CNTNAP5: variants seen among roughly 807,000 people sequenced by gnomAD.
The protein encoded by CNTNAP5 is contactin-associated protein-like 5.
CNTNAP5 carries 72 observed loss-of-function variants against 150.2 expected under a neutral mutation model. The ratio of observed to expected loss-of-function variants is 0.48; its 90% confidence interval spans 0.40 to 0.58. The LOEUF (loss-of-function observed/expected upper bound fraction) is 0.58, where lower values mean the gene tolerates loss of function less well. Ranked by LOEUF, CNTNAP5 falls within the 20% of genes least tolerant of loss-of-function variation. The probability of loss-of-function intolerance (pLI) is 0.00; values close to 1 mark genes in which losing one functional copy is unlikely to be tolerated. For missense variants in CNTNAP5, 1,636 were observed against 1,626.2 expected (o/e 1.01, Z -0.10); for synonymous variants, 672 against 619.8 (o/e 1.08, Z -1.25).
At chr2:124,295,305 G>T (rs1478238299) in intron 3 of CNTNAP5, among the ~76,000 whole-genome samples, 1 of 77,718 alleles carries the variant, frequency 1.3e-5, no homozygotes, top group African/African-American at 5.1e-5. Flanking sequence ...AGAGGTGGGA[G>T]AGTCGTTTAT....
At position 124,337,797 on chromosome 2, in the gene CNTNAP5, T is replaced by C. The variant is rs1201644283; in HGVS notation, c.382-79646T>C. ...TGTAGCCTTGTAGTATAGTTTGAAG[T>C]CAGGTAGTGTGATGCCTCCAGCTTT... On this transcript the variant is annotated intron_variant, in intron 3 of 23. Coordinates refer to ENST00000682447, the MANE Select transcript of CNTNAP5 (RefSeq NM_001367498.1). Among the ~76,000 whole-genome samples the C allele has an allele frequency of 2.0e-5, 3 of 152,070 alleles. No individual in the cohort carries two copies. In the East Asian group the frequency reaches 5.8e-4, roughly 29 times the overall value.
intron 7 of CNTNAP5, among the ~76,000 whole-genome samples, chr2:124,476,425 C>T (rs1159621798): frequency 1.3e-5 from 2 of 151,944 alleles, no homozygotes; most frequent in African/African-American, 4.8e-5. Flanking sequence ...ATGTGATCTG[C>T]AGTGACATCA....
chr2:124,449,426 C>G (rs955923721), intron 6 of CNTNAP5, among the ~76,000 whole-genome samples: 3 of 151,906 alleles, frequency 2.0e-5, no homozygotes, highest in African/African-American at 7.3e-5. Flanking sequence ...TCTCGTCATT[C>G]CCCCGACATA....
chr2:124,682,250 C>T (rs924197734), intron 13 of CNTNAP5, among the ~76,000 whole-genome samples: 1 of 152,148 alleles, frequency 6.6e-6, no homozygotes, highest in Non-Finnish European at 1.5e-5. Context: ...AATTCCACAC[C>T]AAGCTCTTCT....
At chr2:124,027,248 A>G (rs1680916404) in intron 1 of CNTNAP5, among the ~76,000 whole-genome samples, 1 of 152,200 alleles carries the variant, frequency 6.6e-6, no homozygotes, top group Non-Finnish European at 1.5e-5. Flanking sequence ...TTAGAAAAAG[A>G]TCTAAGTGGT....
At chr2:124,333,224 G>T (rs1689391734) in intron 3 of CNTNAP5, among the ~76,000 whole-genome samples, 1 of 151,922 alleles carries the variant, frequency 6.6e-6, no homozygotes, top group Admixed American at 6.6e-5. Context: ...AGCCGTGATC[G>T]CACCATGGCA....
At chr2:124,876,805 T>A (rs1410280801) in intron 21 of CNTNAP5, among the ~76,000 whole-genome samples, 1 of 152,070 alleles carries the variant, frequency 6.6e-6, no homozygotes, top group Non-Finnish European at 1.5e-5. Flanking sequence ...TTGCTTTATA[T>A]TTTGTCCAGA....
At chr2:124,781,950 CAAT>C (rs1284950918) in intron 17 of CNTNAP5, among the ~76,000 whole-genome samples, 1 of 151,968 alleles carries the variant, frequency 6.6e-6, no homozygotes, top group Non-Finnish European at 1.5e-5. Flanking sequence ...AGGTCTTACC[CAAT>C]AATAAGAAAC....
intron 19 of CNTNAP5, among the ~76,000 whole-genome samples, chr2:124,845,350 A>G (rs1480311800): frequency 6.6e-6 from 1 of 151,674 alleles, no homozygotes; most frequent in African/African-American, 2.4e-5. Context: ...ATGGTGGATT[A>G]TCTTTTTGAT....
At chr2:124,667,433 T>C (rs1373531071) in intron 13 of CNTNAP5, among the ~76,000 whole-genome samples, 1 of 152,224 alleles carries the variant, frequency 6.6e-6, no homozygotes, top group South Asian at 2.1e-4. Flanking sequence ...TGAACAACAG[T>C]GTTCATGTAT....
In CNTNAP5 at chr2:124,615,879, A is replaced by G. The variant is rs140885292; in HGVS notation, c.1876+5959A>G. Reference sequence around the variant, plus strand: ...AGGAAAACAACATTAACCTCTTTGTAGATCTCCATCAGAGCTCTTGAGTGA... The same window carrying G: ...AGGAAAACAACATTAACCTCTTTGTGGATCTCCATCAGAGCTCTTGAGTGA... On this transcript the variant is annotated intron_variant, in intron 12 of 23. Transcript: ENST00000682447. Among the ~76,000 whole-genome samples, 436 of 152,350 alleles carry G rather than the reference A, an allele frequency of 2.9e-3. 2 individuals carry two copies. The highest frequency in any genetic ancestry group is 9.9e-3 in the African/African-American group (410 of 41,584).
At chr2:124,400,059 T>C (rs1486698340) in intron 3 of CNTNAP5, among the ~76,000 whole-genome samples, 2 of 151,246 alleles carry the variant, frequency 1.3e-5, no homozygotes, top group Non-Finnish European at 2.9e-5. Context: ...ATATTCAGAT[T>C]CCCGAGGAGC....
chr2:124,257,414 C>T (rs919516477), intron 3 of CNTNAP5, among the ~76,000 whole-genome samples: 5 of 152,214 alleles, frequency 3.3e-5, no homozygotes, highest in East Asian at 1.9e-4. Context: ...TGGTTCAATA[C>T]GTCCATGACT....
chr2:124,450,359 T>A (rs1160215222), intron 6 of CNTNAP5, among the ~76,000 whole-genome samples: 1 of 151,712 alleles, frequency 6.6e-6, no homozygotes, highest in African/African-American at 2.4e-5. Flanking sequence ...CTCTTTACCA[T>A]GATGTGGTAA....
Position 124,417,545 on chromosome 2 carries a change from A to C in CNTNAP5, c.484A>C (p.Ser162Arg), listed in dbSNP as rs766146641. ...VRFVPLEWNP[S>R]GKIGMRVEVY... ...CTTTGTGCCCCTGGAATGGAATCCC[A>C]GTGGGAAGATTGGCATGAGAGTCGA... The change falls in exon 4 of 24, where the codon AGT (serine) becomes CGT (arginine). Residue 162 changes from serine to arginine, a missense_variant. Coordinates refer to ENST00000682447, the MANE Select transcript of CNTNAP5 (RefSeq NM_001367498.1). 35 of 1,613,802 alleles carry C rather than the reference A, an allele frequency of 2.2e-5. No individual in the cohort carries two copies. Among genetic ancestry groups the C allele is most frequent in the Admixed American group, 6.7e-5 (4 of 59,998 alleles).
chr2:124,821,480 T>G (rs1682490795), intron 19 of CNTNAP5, among the ~76,000 whole-genome samples: 1 of 152,174 alleles, frequency 6.6e-6, no homozygotes, highest in African/African-American at 2.4e-5. Context: ...TTAAAAAAGT[T>G]TTCTTTTTAA....
chr2:124,354,544 T>G (rs1402330850), intron 3 of CNTNAP5, among the ~76,000 whole-genome samples: 5 of 152,228 alleles, frequency 3.3e-5, no homozygotes, highest in Non-Finnish European at 5.9e-5. Context: ...TGGCTGGGAC[T>G]GGACAGAGTT....
At chr2:124,819,065 G>A (rs1456439510) in intron 19 of CNTNAP5, among the ~76,000 whole-genome samples, 1 of 152,116 alleles carries the variant, frequency 6.6e-6, no homozygotes, top group Non-Finnish European at 1.5e-5. Flanking sequence ...AACCCAAGGA[G>A]TGGGGCTTAT....
intron 1 of CNTNAP5, among the ~76,000 whole-genome samples, chr2:124,134,151 T>G (rs1038969479): frequency 6.6e-6 from 1 of 152,166 alleles, no homozygotes; most frequent in Non-Finnish European, 1.5e-5. Context: ...AGGCCAAAGT[T>G]GAGGTGTTGT....
Sources: allele counts gnomAD v4.1 joint callset (sites outside exome capture counted in the v4.1 genomes callset), GRCh38; gene constraint gnomAD v4.1.1; transcripts MANE v1.5; gene names NCBI Gene and HGNC (gene_info 2026-07-23, HGNC 2026-07-21).